The following MACROD2 variants were observed in gnomAD, a reference collection of about 807,000 sequenced individuals.
MACROD2 encodes ADP-ribose glycohydrolase MACROD2.
MACROD2 carries 36 observed loss-of-function variants against 70.4 expected under a neutral mutation model. The observed-to-expected ratio is 0.51, with a 90% CI of 0.39 to 0.68. The LOEUF is 0.68. Ranked by LOEUF, MACROD2 falls within the 30% of genes least tolerant of loss-of-function variation. The pLI, the probability that MACROD2 is intolerant of heterozygous loss-of-function variation, is 0.00. For missense variants in MACROD2, 496 were observed against 538.4 expected (o/e 0.92, Z 0.78); for synonymous variants, 172 against 178.8 (o/e 0.96, Z 0.30).
In MACROD2 at chr20:15,910,971, C is replaced by G. The variant is rs189354501; in HGVS notation, c.776-22305C>G. On this transcript the variant is annotated intron_variant, in intron 10 of 17. Coordinates refer to ENST00000684519, the MANE Select transcript of MACROD2 (RefSeq NM_001351661.2). Reference sequence around the variant, plus strand: ...CTCTGTATTGGCTCTATTTCATATTCTCACCTCTCTGGGACAAAGATGACC... The same window carrying G: ...CTCTGTATTGGCTCTATTTCATATTGTCACCTCTCTGGGACAAAGATGACC... Among the ~76,000 whole-genome samples, 34 of 152,356 alleles carry G rather than the reference C, an allele frequency of 2.2e-4. No homozygotes were observed. In the East Asian group the frequency reaches 4.8e-3, roughly 22 times the overall value.
intron 5 of MACROD2, among the ~76,000 whole-genome samples, chr20:14,990,343 T>C (rs369868948): frequency 3.3e-5 from 5 of 152,060 alleles, no homozygotes; most frequent in Non-Finnish European, 1.5e-5. Context: ...CCCAGGGTAG[T>C]TATTTTGGAA....
chr20:14,274,674 G>A (rs1310884954), intron 3 of MACROD2, among the ~76,000 whole-genome samples: 2 of 152,104 alleles, frequency 1.3e-5, no homozygotes, highest in East Asian at 1.9e-4. Context: ...AGGAAATAAA[G>A]TGTATTCAAT....
chr20:15,204,372 T>G (rs2076683090), intron 5 of MACROD2, among the ~76,000 whole-genome samples: 1 of 152,158 alleles, frequency 6.6e-6, no homozygotes, highest in Non-Finnish European at 1.5e-5. Flanking sequence ...GATTATTGCC[T>G]GTCGACGCTT....
intron 5 of MACROD2, among the ~76,000 whole-genome samples, chr20:14,940,375 T>C (rs925085552): frequency 3.9e-5 from 6 of 151,970 alleles, no homozygotes; most frequent in Non-Finnish European, 8.8e-5. Context: ...CACAAACCAA[T>C]CTGGATGTCT....
At chr20:14,136,805 C>T (rs912769292) in intron 3 of MACROD2, among the ~76,000 whole-genome samples, 3 of 152,208 alleles carry the variant, frequency 2.0e-5, no homozygotes, top group African/African-American at 4.8e-5. Flanking sequence ...TCTTCCCTTA[C>T]ACTATTTCTT....
At chr20:15,543,322 T>C (rs1407539840) in intron 8 of MACROD2, among the ~76,000 whole-genome samples, 1 of 152,184 alleles carries the variant, frequency 6.6e-6, no homozygotes, top group Non-Finnish European at 1.5e-5. Flanking sequence ...ACTCGTAAGA[T>C]TATAGTGAAT....
At chr20:15,282,280 T>C (rs1366515460) in intron 6 of MACROD2, among the ~76,000 whole-genome samples, 1 of 152,254 alleles carries the variant, frequency 6.6e-6, no homozygotes, top group South Asian at 2.1e-4. Context: ...CCTCGTTACT[T>C]ATGCAAATTT....
chr20:14,333,780 T>C (rs759326964), intron 3 of MACROD2, among the ~76,000 whole-genome samples: 1 of 152,142 alleles, frequency 6.6e-6, no homozygotes, highest in Non-Finnish European at 1.5e-5. Flanking sequence ...AAATACATTG[T>C]TTTTCATGTC....
intron 8 of MACROD2, among the ~76,000 whole-genome samples, chr20:15,776,467 G>C (rs2051724179): frequency 6.6e-6 from 1 of 152,106 alleles, no homozygotes; most frequent in African/African-American, 2.4e-5. Context: ...TTCCAACTCA[G>C]CTCTCTGCTC....
intron 7 of MACROD2, among the ~76,000 whole-genome samples, chr20:15,469,790 T>C (rs1431292208): frequency 1.3e-5 from 2 of 152,142 alleles, no homozygotes; most frequent in Non-Finnish European, 2.9e-5. Flanking sequence ...CCAATATTAC[T>C]CCTAGCAGTA....
At chr20:14,623,175 A>G (rs1983933010) in intron 4 of MACROD2, among the ~76,000 whole-genome samples, 1 of 151,340 alleles carries the variant, frequency 6.6e-6, no homozygotes, top group East Asian at 1.9e-4. Context: ...ACTGAATTAC[A>G]GTTTTTTTTG....
intron 8 of MACROD2, among the ~76,000 whole-genome samples, chr20:15,812,322 GAGATATCA>G (rs2063829747): frequency 6.6e-6 from 1 of 152,234 alleles, no homozygotes; most frequent in African/African-American, 2.4e-5. Flanking sequence ...AGACTATTCT[GAGATATCA>G]CACAAAGTGC....
chr20:15,793,081 A>T (rs545813418), intron 8 of MACROD2, among the ~76,000 whole-genome samples: 1 of 152,146 alleles, frequency 6.6e-6, no homozygotes, highest in Admixed American at 6.6e-5. Context: ...TAAAGTGACG[A>T]TCACTGTGTA....
intron 8 of MACROD2, 74 bp from the exon 9 acceptor site, chr20:15,862,671 G>A (rs41275440): frequency 0.011 from 13,189 of 1,221,274 alleles, 101 homozygotes; most frequent in Non-Finnish European, 0.013. Flanking sequence ...ATTTGTTTTT[G>A]TTCTACGGCT....
intron 3 of MACROD2, among the ~76,000 whole-genome samples, chr20:14,192,014 T>C (rs58353448): frequency 0.18 from 26,988 of 151,842 alleles, 2,574 homozygotes; most frequent in South Asian, 0.24. Context: ...AAAGTAAATA[T>C]TGATTAAGCT....
In MACROD2 at chr20:14,699,286, TC is replaced by T. The variant is rs1237065278; in HGVS notation, c.418+14328del. On this transcript the variant is annotated intron_variant, in intron 5 of 17. Coordinates refer to ENST00000684519, the MANE Select transcript of MACROD2 (RefSeq NM_001351661.2). ...TTTGAAATGTGTTATAACTGACTTT[TC>T]TGATTGAGACTGCTAGCCCAAGTGC... Among the ~76,000 whole-genome samples the T allele has an allele frequency of 2.0e-5, 3 of 152,186 alleles. No individual in the cohort carries two copies. In the East Asian group the frequency reaches 5.8e-4, roughly 29 times the overall value.
At chr20:14,216,005 T>C (rs1180770905) in intron 3 of MACROD2, among the ~76,000 whole-genome samples, 2 of 152,194 alleles carry the variant, frequency 1.3e-5, no homozygotes, top group Admixed American at 1.3e-4. Context: ...GCAAAAGCTC[T>C]TTAGTTTAAT....
chr20:14,786,378 C>CCATGTTA (rs2072374300), intron 5 of MACROD2, among the ~76,000 whole-genome samples: 1 of 152,066 alleles, frequency 6.6e-6, no homozygotes, highest in African/African-American at 2.4e-5. Flanking sequence ...CCTTTGTTAA[C>CCATGTTA]ATGACTTGGT....
intron 8 of MACROD2, among the ~76,000 whole-genome samples, chr20:15,545,413 G>A (rs767730710): frequency 7.9e-5 from 12 of 152,178 alleles, no homozygotes; most frequent in South Asian, 6.2e-4. Flanking sequence ...TTTTTGTTCC[G>A]TAATGATATT....
Sources: gnomAD v4.1 joint callset for allele counts (sites outside exome capture counted in the v4.1 genomes callset) on GRCh38, gnomAD v4.1.1 for gene constraint, MANE v1.5 for transcripts, NCBI Gene and HGNC (gene_info 2026-07-23, HGNC 2026-07-21) for gene names.